CMC1: variants seen among roughly 807,000 people sequenced by gnomAD.
CMC1 encodes COX assembly mitochondrial protein homolog.
CMC1 carries 14 observed loss-of-function variants against 14.1 expected under a neutral mutation model. The observed-to-expected ratio is 0.99, with a 90% confidence interval of 0.66 to 1.55. The LOEUF is 1.55. Among genes scored for constraint, CMC1 ranks in the 40% most tolerant of loss-of-function variants. The pLI is 0.00. For synonymous variants in CMC1, 50 were observed against 38.4 expected (o/e 1.30, Z -1.12); for missense variants, 127 against 123.8 (o/e 1.03, Z -0.12).
At position 28,324,660 on chromosome 3, in the gene CMC1, T is replaced by C; in HGVS notation, c.*5031T>C. 1 of 414,884 alleles carries C rather than the reference T, an allele frequency of 2.4e-6. No homozygotes were observed. Among genetic ancestry groups the C allele is most frequent in the Non-Finnish European group, 4.2e-6 (1 of 238,426 alleles). 25.7% of individuals were successfully genotyped at this position (414,884 alleles called of 1,614,324 possible). A position where few individuals can be genotyped will look rare whatever the true frequency, so the allele number is the denominator to read the frequency against. Reference sequence around the variant, plus strand: ...ATCAGCAATTTACTGTGACTTTAGATATTTGTCTCTTAGCTGCTCCTGATG... The same window carrying C: ...ATCAGCAATTTACTGTGACTTTAGACATTTGTCTCTTAGCTGCTCCTGATG... On this transcript the variant is annotated 3_prime_UTR_variant, in exon 4 of 4. Coordinates refer to ENST00000466830, the MANE Select transcript of CMC1 (RefSeq NM_182523.2).
chr3:28,277,946 A>G (rs903302671), intron 2 of CMC1, among the ~76,000 whole-genome samples: 1 of 126,342 alleles, frequency 7.9e-6, no homozygotes, highest in African/African-American at 2.9e-5. Context: ...GCTTTGAACA[A>G]TGAAAAGAGA....
chr3:28,316,527 A>G, intron 3 of CMC1, 104 bp downstream of exon 3: 1 of 483,112 alleles, frequency 2.1e-6, no homozygotes. Flanking sequence ...TCTCCATACC[A>G]AATTTATCAT....
chr3:28,323,447 A>C lies in CMC1; in HGVS notation c.*3818A>C, dbSNP rs1316384047. 2 of 151,184 alleles carry C rather than the reference A, an allele frequency of 1.3e-5. No homozygotes were observed. The highest frequency in any genetic ancestry group is 4.8e-5 in the African/African-American group (2 of 41,244). The allele number at this position is 151,184 out of a possible 1,614,324, so 9.4% of individuals were successfully genotyped here. On this transcript the variant is annotated 3_prime_UTR_variant, in exon 4 of 4. Transcript: ENST00000466830. ...AGGTTGTTTCAAGTCTTAGAATTCA[A>C]ACTTCAATTCTAAAAAAATTTTATC... is the stretch of plus-strand genomic sequence containing the variant.
At chr3:28,281,626 T>C (rs1270180417) in intron 2 of CMC1, among the ~76,000 whole-genome samples, 2 of 152,210 alleles carry the variant, frequency 1.3e-5, no homozygotes, top group Non-Finnish European at 2.9e-5. Context: ...GAGTACCTTA[T>C]TGTGTGGTTG....
At chr3:28,259,821 T>A (rs1699637792) in intron 1 of CMC1, among the ~76,000 whole-genome samples, 1 of 152,044 alleles carries the variant, frequency 6.6e-6, no homozygotes, top group South Asian at 2.1e-4. Context: ...AGATTATAGA[T>A]CTTTTCAGTT....
chr3:28,265,975 C>T (rs931632984), intron 2 of CMC1, among the ~76,000 whole-genome samples: 1 of 152,146 alleles, frequency 6.6e-6, no homozygotes, highest in African/African-American at 2.4e-5. Flanking sequence ...AACCTTCAAC[C>T]ATTACCAGCT....
chr3:28,275,796 C>T (rs1700560782), intron 2 of CMC1, among the ~76,000 whole-genome samples: 2 of 152,154 alleles, frequency 1.3e-5, no homozygotes, highest in Admixed American at 1.3e-4. Context: ...GAGTTCTGTC[C>T]ATAAACCCCT....
At chr3:28,311,788 T>C (rs1702650341) in intron 2 of CMC1, among the ~76,000 whole-genome samples, 1 of 152,220 alleles carries the variant, frequency 6.6e-6, no homozygotes, top group Non-Finnish European at 1.5e-5. Flanking sequence ...GATTTAAAAC[T>C]GCAGACACCT....
chr3:28,305,437 C>T (rs753645071), intron 2 of CMC1, among the ~76,000 whole-genome samples: 5 of 152,268 alleles, frequency 3.3e-5, no homozygotes, highest in Non-Finnish European at 5.9e-5. Context: ...CTTTGGGCAG[C>T]TATCCAGTAG....
chr3:28,294,218 A>T (rs182353587), intron 2 of CMC1, among the ~76,000 whole-genome samples: 144 of 152,276 alleles, frequency 9.5e-4, no homozygotes, highest in Non-Finnish European at 1.2e-4. Flanking sequence ...CTGTCAAAAA[A>T]ATTACATAAA....
intron 2 of CMC1, among the ~76,000 whole-genome samples, chr3:28,295,655 A>G (rs1701700593): frequency 6.6e-6 from 1 of 152,086 alleles, no homozygotes. Context: ...GGTTTGTTTT[A>G]CTCATATATC....
rs1231203028 is a variant in CMC1 at position 28,323,639 on chromosome 3, T to C, written c.*4010T>C. The stretch of plus-strand genomic sequence containing the variant: ...ACTCACATTGCCATTTGTTCCATTA[T>C]GCAATTTGAAGAAACATGTTTTCCT... On this transcript the variant is annotated 3_prime_UTR_variant, in exon 4 of 4. Coordinates refer to ENST00000466830, the MANE Select transcript of CMC1 (RefSeq NM_182523.2). The C allele has an allele frequency of 6.4e-6, 1 of 155,758 alleles. No homozygotes were observed. The highest frequency in any genetic ancestry group is 1.4e-5 in the Non-Finnish European group (1 of 70,242). The allele number at this position is 155,758 out of a possible 1,614,324, so 9.6% of individuals were successfully genotyped here. A position where few individuals can be genotyped will look rare whatever the true frequency, so the allele number is the denominator to read the frequency against.
At chr3:28,244,373 TA>T (rs1559394416) in intron 1 of CMC1, among the ~76,000 whole-genome samples, 1 of 152,154 alleles carries the variant, frequency 6.6e-6, no homozygotes, top group Non-Finnish European at 1.5e-5. Flanking sequence ...GAAAGAAATA[TA>T]CAGCGTCATG....
intron 2 of CMC1, among the ~76,000 whole-genome samples, chr3:28,312,853 A>AT (rs945940566): frequency 1.3e-5 from 2 of 151,824 alleles, no homozygotes; most frequent in East Asian, 1.9e-4. Context: ...TATCCAAAGA[A>AT]TTTTTTTTAA....
chr3:28,258,525 C>T (rs1699546938), intron 1 of CMC1, among the ~76,000 whole-genome samples: 1 of 150,152 alleles, frequency 6.7e-6, no homozygotes, highest in Non-Finnish European at 1.5e-5. Context: ...GTTCTGCCAC[C>T]ATTTGTCGAA....
At chr3:28,288,993 T>C (rs1701335244) in intron 2 of CMC1, among the ~76,000 whole-genome samples, 1 of 151,630 alleles carries the variant, frequency 6.6e-6, no homozygotes, top group African/African-American at 2.4e-5. Flanking sequence ...GAAGACCATC[T>C]CAGAGGTTTA....
chr3:28,319,605 A>G lies in CMC1; in HGVS notation c.297A>G (p.Leu99=), dbSNP rs928293863. 6.2e-7 allele frequency: 1 copy of G among 1,607,768 alleles called. No individual in the cohort carries two copies. The highest frequency in any genetic ancestry group is 8.5e-7 in the Non-Finnish European group (1 of 1,176,692). ...CTGGAATTCCTACAAAGAAAAGGCT[A>G]CAGAAGCTTCCAACAAGCATGTAGG... The part of the protein sequence containing the change: ...RKTGIPTKKR[L]QKLPTSM The change falls in exon 4 of 4, where the codon CTA becomes CTG. Residue 99 remains leucine (L), a synonymous_variant. Transcript: ENST00000466830.
intron 2 of CMC1, among the ~76,000 whole-genome samples, chr3:28,277,863 G>A (rs1184203727): frequency 2.0e-5 from 3 of 152,186 alleles, no homozygotes; most frequent in African/African-American, 7.2e-5. Context: ...ATGATTGGAG[G>A]CAGAATCTTT....
intron 2 of CMC1, among the ~76,000 whole-genome samples, chr3:28,274,848 T>C (rs1402631704): frequency 1.3e-5 from 2 of 152,154 alleles, no homozygotes; most frequent in Non-Finnish European, 2.9e-5. Flanking sequence ...CTGCCTGTCT[T>C]ATTTCAGCAA....
Sources: gnomAD v4.1 joint callset for allele counts (sites outside exome capture counted in the v4.1 genomes callset) on GRCh38, gnomAD v4.1.1 for gene constraint, MANE v1.5 for transcripts, NCBI Gene and HGNC (gene_info 2026-07-23, HGNC 2026-07-21) for gene names.